HAPSTR1: variants seen among roughly 807,000 people sequenced by gnomAD.
The protein encoded by HAPSTR1 is HUWE1 associated protein modifying stress responses.
chr16:9,107,962 A>G, the HAPSTR1 span: 1 of 152,072 alleles, frequency 6.6e-6, no homozygotes, highest in Non-Finnish European at 1.5e-5. Flanking sequence ...CTGCTAAGTG[A>G]ATACAACACA....
At chr16:9,108,609 C>T in the HAPSTR1 span, 1 of 152,152 alleles carries the variant, frequency 6.6e-6, no homozygotes, top group Admixed American at 6.5e-5. Flanking sequence ...TGAGGCTTTT[C>T]TTCTCAAAAT....
the HAPSTR1 span, among the ~76,000 whole-genome samples, chr16:9,097,985 A>G: frequency 6.6e-6 from 1 of 152,264 alleles, no homozygotes; most frequent in South Asian, 2.1e-4. Flanking sequence ...TGCTTTTAGG[A>G]AGGGGAGGAC....
At chr16:9,110,250 C>T in the HAPSTR1 span, 2 of 142,104 alleles carry the variant, frequency 1.4e-5, no homozygotes, top group African/African-American at 5.3e-5. Flanking sequence ...TGACAATATT[C>T]TTGGATTTGG....
chr16:9,098,433 T>G, the HAPSTR1 span, among the ~76,000 whole-genome samples: 1 of 152,210 alleles, frequency 6.6e-6, no homozygotes, highest in Non-Finnish European at 1.5e-5. Flanking sequence ...GTGTGCTTAT[T>G]TTTGGATGCC....
the HAPSTR1 span, chr16:9,092,988 C>T: frequency 6.2e-7 from 1 of 1,610,908 alleles, no homozygotes; most frequent in Admixed American, 1.7e-5. Flanking sequence ...CCGCCGTCAC[C>T]AATCTCTACA....
At chr16:9,098,621 G>GA in the HAPSTR1 span, among the ~76,000 whole-genome samples, 1 of 152,154 alleles carries the variant, frequency 6.6e-6, no homozygotes, top group Non-Finnish European at 1.5e-5. Context: ...AGGAGTTTGA[G>GA]ATCAGGCTGG....
chr16:9,096,656 C>T, the HAPSTR1 span, among the ~76,000 whole-genome samples: 1 of 152,258 alleles, frequency 6.6e-6, no homozygotes, highest in East Asian at 1.9e-4. Flanking sequence ...TTGTGACTCA[C>T]TTGGCTGCAA....
the HAPSTR1 span, chr16:9,103,139 C>G: frequency 6.2e-7 from 1 of 1,614,134 alleles, no homozygotes; most frequent in Admixed American, 1.7e-5. Context: ...TCCTCCACCA[C>G]GAAACTCTAG....
the HAPSTR1 span, chr16:9,120,008 T>C: frequency 6.6e-6 from 1 of 152,254 alleles, no homozygotes; most frequent in East Asian, 1.9e-4. Context: ...TAGAAAATTA[T>C]GAACAGAATG....
At chr16:9,113,834 G>A in the HAPSTR1 span, among the ~76,000 whole-genome samples, 2 of 152,122 alleles carry the variant, frequency 1.3e-5, no homozygotes, top group African/African-American at 2.4e-5. Flanking sequence ...CCAACAATGG[G>A]GATAATTGAG....
the HAPSTR1 span, among the ~76,000 whole-genome samples, chr16:9,097,219 C>T: frequency 3.5e-4 from 52 of 150,248 alleles, no homozygotes; most frequent in African/African-American, 1.2e-3. Context: ...GGATTACAGG[C>T]GTGAGCCACC....
the HAPSTR1 span, chr16:9,105,180 G>C: frequency 3.9e-5 from 6 of 152,170 alleles, no homozygotes; most frequent in African/African-American, 1.2e-4. Flanking sequence ...TTTAAGCAAT[G>C]ATACAGTTGA....
the HAPSTR1 span, chr16:9,121,436 C>T: frequency 6.6e-6 from 1 of 152,200 alleles, no homozygotes; most frequent in East Asian, 1.9e-4. Context: ...ATTTATACTT[C>T]CTTTGGCAGA....
At chr16:9,095,634 G>A in the HAPSTR1 span, among the ~76,000 whole-genome samples, 1 of 151,900 alleles carries the variant, frequency 6.6e-6, no homozygotes, top group Non-Finnish European at 1.5e-5. Flanking sequence ...CATTAAGAAG[G>A]TCAGGATTGA....
the HAPSTR1 span, chr16:9,119,280 C>G: frequency 6.6e-6 from 1 of 152,322 alleles, no homozygotes; most frequent in East Asian, 1.9e-4. Context: ...TTTCCCTGTG[C>G]TAGCTGAGAT....
chr16:9,102,208 G>A, the HAPSTR1 span, among the ~76,000 whole-genome samples: 1 of 152,232 alleles, frequency 6.6e-6, no homozygotes, highest in Non-Finnish European at 1.5e-5. Flanking sequence ...ATAAAGTAAC[G>A]ATGTTGGTTA....
At chr16:9,101,596 T>A in the HAPSTR1 span, among the ~76,000 whole-genome samples, 1 of 152,230 alleles carries the variant, frequency 6.6e-6, no homozygotes, top group Non-Finnish European at 1.5e-5. Flanking sequence ...GTGGACAATA[T>A]CCTTGTTTTT....
chr16:9,115,769 A>G, the HAPSTR1 span, among the ~76,000 whole-genome samples: 1 of 151,894 alleles, frequency 6.6e-6, no homozygotes, highest in Non-Finnish European at 1.5e-5. Flanking sequence ...GCCTGCCACC[A>G]CGCCGGGCTA....
chr16:9,101,534 C>G, the HAPSTR1 span, among the ~76,000 whole-genome samples: 1 of 152,032 alleles, frequency 6.6e-6, no homozygotes, highest in Admixed American at 6.6e-5. Flanking sequence ...TTTTTTCTTT[C>G]TTTTTAACAT....
Sources: gnomAD v4.1 joint callset for allele counts (sites outside exome capture counted in the v4.1 genomes callset) on GRCh38, gnomAD v4.1.1 for gene constraint, MANE v1.5 for transcripts, NCBI Gene and HGNC (gene_info 2026-07-23, HGNC 2026-07-21) for gene names.